Variants in CD2AP observed in about 807,000 individuals in gnomAD.
CD2AP encodes the protein CD2 associated protein, also known as CD2-associated protein.
Under a neutral mutation model 85.1 loss-of-function variants are expected in CD2AP, and 46 were observed. The observed-to-expected ratio is 0.54, with a 90% CI of 0.43 to 0.69. CD2AP has a LOEUF of 0.69. CD2AP is among the 30% of genes least tolerant of loss of function. The probability of loss-of-function intolerance (pLI) is 0.00; values close to 1 mark genes in which losing one functional copy is unlikely to be tolerated. For missense variants in CD2AP, 769 were observed against 729.5 expected, an observed-to-expected ratio of 1.05 and a Z score of -0.62; for synonymous variants, 255 against 252.9, an observed-to-expected ratio of 1.01 and a Z score of -0.08.
At chr6:47,505,252 A>T (rs1241003658) in intron 2 of CD2AP, among the ~76,000 whole-genome samples, 2 of 147,460 alleles carry the variant, frequency 1.4e-5, no homozygotes, top group African/African-American at 5.0e-5. Flanking sequence ...GCTGCCTTCA[A>T]GCATCTGTTT....
At chr6:47,601,654 T>C (rs1582612382) in intron 13 of CD2AP, among the ~76,000 whole-genome samples, 2 of 152,118 alleles carry the variant, frequency 1.3e-5, no homozygotes, top group East Asian at 3.9e-4. Context: ...GTTCCTAGTA[T>C]TAGTAATATA....
At chr6:47,486,340 A>G (rs1384567650) in intron 1 of CD2AP, among the ~76,000 whole-genome samples, 1 of 152,186 alleles carries the variant, frequency 6.6e-6, no homozygotes, top group Non-Finnish European at 1.5e-5. Flanking sequence ...GATGAATGTC[A>G]TGAATGTGTT....
rs1352480582 is a variant in CD2AP at position 47,503,350 on chromosome 6, C to A, written c.75C>A (p.Ile25=). The A allele has an allele frequency of 3.1e-6, 5 of 1,613,348 alleles. No individual in the cohort carries two copies. In the African/African-American group the frequency reaches 6.7e-5, roughly 22 times the overall value. ...AATTAACTATTCGAGTTGGAGAAATCATCAGGAATGTGAAAAAGCTACAGG... is the reference window on the plus strand; with the variant it reads ...AATTAACTATTCGAGTTGGAGAAATAATCAGGAATGTGAAAAAGCTACAGG... ...DDELTIRVGE[I]IRNVKKLQEE... is the part of the protein sequence containing the mutation. Residue 25 remains isoleucine (I), a synonymous_variant, in exon 2 of 18, where the codon ATC becomes ATA. Coordinates refer to ENST00000359314, the MANE Select transcript of CD2AP (RefSeq NM_012120.3).
At chr6:47,555,682 T>C (rs910659122) in intron 5 of CD2AP, among the ~76,000 whole-genome samples, 8 of 152,380 alleles carry the variant, frequency 5.3e-5, no homozygotes, top group East Asian at 1.9e-4. Flanking sequence ...GCTACACTTA[T>C]ATGTTTTAAT....
At chr6:47,599,490 C>A in intron 13 of CD2AP, 47 bp downstream of exon 13, 5 of 1,518,196 alleles carry the variant, frequency 3.3e-6, no homozygotes, top group South Asian at 2.3e-5. Flanking sequence ...AAAAAATTGT[C>A]AAAGAAACTC....
intron 4 of CD2AP, among the ~76,000 whole-genome samples, chr6:47,554,196 C>G (rs1391918018): frequency 2.0e-5 from 3 of 152,068 alleles, no homozygotes; most frequent in Non-Finnish European, 4.4e-5. Flanking sequence ...CAGACCTGAG[C>G]CACCGTGCCT....
intron 5 of CD2AP, among the ~76,000 whole-genome samples, chr6:47,556,701 A>C (rs1323783909): frequency 6.6e-6 from 1 of 151,792 alleles, no homozygotes; most frequent in Non-Finnish European, 1.5e-5. Flanking sequence ...TATGTGCCAC[A>C]TTTTCTTTAT....
chr6:47,555,966 A>G (rs1767671398), intron 5 of CD2AP, among the ~76,000 whole-genome samples: 2 of 151,970 alleles, frequency 1.3e-5, no homozygotes, highest in Admixed American at 6.6e-5. Flanking sequence ...TTTTGAAATT[A>G]AGTAGGAAAA....
At chr6:47,498,530 A>G (rs1765925863) in intron 1 of CD2AP, among the ~76,000 whole-genome samples, 1 of 151,834 alleles carries the variant, frequency 6.6e-6, no homozygotes, top group Non-Finnish European at 1.5e-5. Flanking sequence ...TTCTCCTTGA[A>G]TTTCTGTTAA....
At chr6:47,478,277 C>T (rs777922110) in intron 1 of CD2AP, 29 bp downstream of exon 1, 29 of 1,566,960 alleles carry the variant, frequency 1.9e-5, no homozygotes, top group Admixed American at 1.1e-4. Flanking sequence ...TCCCGCCGCC[C>T]GTCCGGACCT....
intron 5 of CD2AP, among the ~76,000 whole-genome samples, chr6:47,561,355 T>C (rs1002874759): frequency 2.0e-5 from 3 of 152,196 alleles, no homozygotes; most frequent in African/African-American, 7.2e-5. Flanking sequence ...TATTATGTCA[T>C]TTTGACATGT....
chr6:47,576,331 T>C (rs1041325755), intron 6 of CD2AP, among the ~76,000 whole-genome samples, 193 bp from the exon 7 acceptor site: 2 of 152,204 alleles, frequency 1.3e-5, no homozygotes, highest in Admixed American at 6.5e-5. Flanking sequence ...AATCTTTAAA[T>C]TGGTAGCTCT....
intron 1 of CD2AP, among the ~76,000 whole-genome samples, chr6:47,497,138 C>G (rs556726292): frequency 1.1e-4 from 15 of 139,214 alleles, no homozygotes; most frequent in African/African-American, 3.2e-4. Context: ...ATTATTATGA[C>G]CATGTCGTGT....
intron 2 of CD2AP, among the ~76,000 whole-genome samples, chr6:47,518,150 A>T (rs961816234): frequency 6.6e-6 from 1 of 152,172 alleles, no homozygotes; most frequent in African/African-American, 2.4e-5. Flanking sequence ...TATTCTGAGG[A>T]AAATGGGAGA....
At chr6:47,484,471 C>T (rs1469033627) in intron 1 of CD2AP, among the ~76,000 whole-genome samples, 1 of 151,860 alleles carries the variant, frequency 6.6e-6, no homozygotes, top group Non-Finnish European at 1.5e-5. Flanking sequence ...AGCATATTTA[C>T]TAATTGTTTG....
intron 2 of CD2AP, among the ~76,000 whole-genome samples, chr6:47,518,685 A>G (rs188410374): frequency 2.2e-4 from 33 of 152,342 alleles, no homozygotes; most frequent in African/African-American, 7.7e-4. Context: ...GCTGGGGTAT[A>G]TAAGAAACTG....
At chr6:47,495,902 T>C (rs986895767) in intron 1 of CD2AP, among the ~76,000 whole-genome samples, 1 of 152,316 alleles carries the variant, frequency 6.6e-6, no homozygotes, top group South Asian at 2.1e-4. Context: ...TTAATAACTT[T>C]ACTCTCTTAT....
intron 1 of CD2AP, among the ~76,000 whole-genome samples, chr6:47,485,174 TCTA>T (rs1340090224): frequency 2.0e-5 from 3 of 152,234 alleles, no homozygotes; most frequent in Non-Finnish European, 4.4e-5. Context: ...GAGTACATCT[TCTA>T]CTTATTAAAA....
At chr6:47,525,704 C>T (rs1284307278) in intron 2 of CD2AP, among the ~76,000 whole-genome samples, 3 of 151,902 alleles carry the variant, frequency 2.0e-5, no homozygotes, top group South Asian at 2.1e-4. Flanking sequence ...GTAGATATAC[C>T]CTTTAACTTC....
Sources: gnomAD v4.1 joint callset for allele counts (sites outside exome capture counted in the v4.1 genomes callset) on GRCh38, gnomAD v4.1.1 for gene constraint, MANE v1.5 for transcripts, NCBI Gene and HGNC (gene_info 2026-07-23, HGNC 2026-07-21) for gene names.